Variants in CFAP221 observed in about 807,000 individuals in gnomAD.
The protein encoded by CFAP221 is cilia and flagella associated protein 221.
CFAP221 carries 97 observed loss-of-function variants against 113.1 expected under a neutral mutation model. That is an observed-to-expected ratio of 0.86 (90% confidence interval 0.73 to 1.02). CFAP221 has a LOEUF of 1.02. Among genes scored for constraint, CFAP221 ranks in the 50% least tolerant of loss-of-function variants. CFAP221 has a pLI of 0.00. For synonymous variants in CFAP221, 331 were observed against 354.4 expected, an observed-to-expected ratio of 0.93 and a Z score of 0.74; for missense variants, 1,025 against 1,013.4, an observed-to-expected ratio of 1.01 and a Z score of -0.16.
intron 12 of CFAP221, 32 bp from the exon 13 acceptor site, chr2:119,611,621 A>C (rs1456668987): frequency 6.4e-7 from 1 of 1,561,164 alleles, no homozygotes; most frequent in Non-Finnish European, 8.7e-7. Flanking sequence ...ATTTATATTC[A>C]ACTTAAATTA....
chr2:119,554,620 G>A (rs1349427464), intron 3 of CFAP221, among the ~76,000 whole-genome samples: 1 of 152,148 alleles, frequency 6.6e-6, no homozygotes, highest in Non-Finnish European at 1.5e-5. Flanking sequence ...TAGAGACCCT[G>A]AAGATCTTGC....
intron 7 of CFAP221, among the ~76,000 whole-genome samples, chr2:119,594,524 G>A (rs184423287): frequency 6.6e-6 from 1 of 152,256 alleles, no homozygotes; most frequent in East Asian, 1.9e-4. Context: ...GATTACAGGT[G>A]TGAGCCACTG....
chr2:119,649,464 A>G (rs1458920008), intron 22 of CFAP221, among the ~76,000 whole-genome samples: 2 of 152,176 alleles, frequency 1.3e-5, no homozygotes, highest in African/African-American at 4.8e-5. Flanking sequence ...ACATCTGCAA[A>G]GGTTCTTAGG....
chr2:119,651,438 A>G (rs778266754), intron 22 of CFAP221, among the ~76,000 whole-genome samples: 3 of 152,052 alleles, frequency 2.0e-5, no homozygotes, highest in Admixed American at 1.3e-4. Context: ...TTAAGTCCCT[A>G]GAGAAAAAGT....
chr2:119,588,014 A>T (rs1474052472), intron 7 of CFAP221, among the ~76,000 whole-genome samples: 1 of 152,200 alleles, frequency 6.6e-6, no homozygotes, highest in Non-Finnish European at 1.5e-5. Flanking sequence ...TTTATATTGC[A>T]AAAAACAGGA....
At chr2:119,602,596 T>C in intron 8 of CFAP221, 2 of 983,976 alleles carry the variant, frequency 2.0e-6, no homozygotes, top group Non-Finnish European at 2.4e-6. Flanking sequence ...ATATCATGAT[T>C]TTTCTTCCTA....
intron 14 of CFAP221, among the ~76,000 whole-genome samples, chr2:119,621,162 CTG>C (rs1246618652): frequency 6.6e-6 from 1 of 150,492 alleles, no homozygotes; most frequent in East Asian, 2.0e-4. Context: ...GAGGCGGAGA[CTG>C]TGGTGAGCTG....
At chr2:119,589,129 A>G (rs909505674) in intron 7 of CFAP221, among the ~76,000 whole-genome samples, 1 of 152,198 alleles carries the variant, frequency 6.6e-6, no homozygotes, top group East Asian at 1.9e-4. Flanking sequence ...AACTGGTCTC[A>G]TGGGCTCTGC....
chr2:119,623,421 T>C (rs1475397622), intron 14 of CFAP221, among the ~76,000 whole-genome samples: 1 of 152,126 alleles, frequency 6.6e-6, no homozygotes, highest in Non-Finnish European at 1.5e-5. Flanking sequence ...GAATCAATAT[T>C]GTGAAAATGG....
chr2:119,655,333 T>C (rs1053070892), intron 23 of CFAP221, among the ~76,000 whole-genome samples: 2 of 152,176 alleles, frequency 1.3e-5, no homozygotes, highest in African/African-American at 4.8e-5. Context: ...CAACACAGTA[T>C]TACTCAATCA....
intron 7 of CFAP221, among the ~76,000 whole-genome samples, chr2:119,599,780 T>G (rs1684239585): frequency 6.6e-6 from 1 of 152,230 alleles, no homozygotes; most frequent in Admixed American, 6.5e-5. Context: ...TATTTATTTA[T>G]GTTTTGCTGT....
At chr2:119,587,584 G>A (rs1239439938) in intron 7 of CFAP221, among the ~76,000 whole-genome samples, 1 of 152,152 alleles carries the variant, frequency 6.6e-6, no homozygotes, top group African/African-American at 2.4e-5. Context: ...TGATGAATTT[G>A]TCTCATTTGT....
chr2:119,659,674 T>C (rs922661675), downstream of CFAP221, among the ~76,000 whole-genome samples: 1 of 27,118 alleles, frequency 3.7e-5, no homozygotes, highest in Non-Finnish European at 1.2e-4. Flanking sequence ...CATTAACCAG[T>C]CACTGGCCTG....
intron 8 of CFAP221, 96 bp from the exon 9 acceptor site, chr2:119,604,576 G>T: frequency 8.5e-7 from 1 of 1,173,378 alleles, no homozygotes; most frequent in South Asian, 2.0e-5. Context: ...TATAATAAGG[G>T]ACTTCAAGTT....
rs551243982 is a variant in CFAP221 at position 119,547,146 on chromosome 2, G to A, written c.139+876G>A. ...TAGTGTATTTGGATATGCTTCTTTT[G>A]TCACTGTAGAACTTGTCAAGTGAAA... On this transcript the variant is annotated intron_variant, in intron 2 of 23. Transcript: ENST00000413369. Among the ~76,000 whole-genome samples the A allele has an allele frequency of 2.0e-4, 30 of 152,278 alleles. 1 individual carries two copies. The highest frequency in any genetic ancestry group is 1.9e-3 in the Admixed American group (29 of 15,284).
At chr2:119,599,285 T>C (rs1201110290) in intron 7 of CFAP221, among the ~76,000 whole-genome samples, 1 of 152,184 alleles carries the variant, frequency 6.6e-6, no homozygotes, top group Non-Finnish European at 1.5e-5. Context: ...AGGGAAATTT[T>C]GAAAGGTAAC....
chr2:119,620,328 G>A (rs1174283044), intron 14 of CFAP221, among the ~76,000 whole-genome samples: 2 of 152,170 alleles, frequency 1.3e-5, no homozygotes, highest in Non-Finnish European at 2.9e-5. Context: ...AAAATGTTAA[G>A]GGTAGCCAGA....
chr2:119,559,408 G>A (rs1383599595), intron 3 of CFAP221, among the ~76,000 whole-genome samples: 2 of 150,756 alleles, frequency 1.3e-5, no homozygotes, highest in African/African-American at 4.9e-5. Context: ...TGGGGAGGGG[G>A]CCCTAAAGGA....
chr2:119,627,890 C>G, intron 16 of CFAP221, 104 bp downstream of exon 16: 1 of 1,434,786 alleles, frequency 7.0e-7, no homozygotes, highest in Non-Finnish European at 9.5e-7. Flanking sequence ...CACCTCCTCC[C>G]AGAGGCTCCA....
Sources: gnomAD v4.1 joint callset for allele counts (sites outside exome capture counted in the v4.1 genomes callset) on GRCh38, gnomAD v4.1.1 for gene constraint, MANE v1.5 for transcripts, NCBI Gene and HGNC (gene_info 2026-07-23, HGNC 2026-07-21) for gene names.